The following SIPA1L3 variants were observed in gnomAD, a reference collection of about 807,000 sequenced individuals.
The protein encoded by SIPA1L3 is signal induced proliferation associated 1 like 3, also known as signal-induced proliferation-associated 1-like protein 3.
SIPA1L3 carries 59 observed loss-of-function variants against 150.1 expected under a neutral mutation model. That is an observed-to-expected ratio of 0.39 (90% CI 0.32 to 0.49). The LOEUF is 0.49. Ranked by LOEUF, SIPA1L3 falls within the 20% of genes least tolerant of loss-of-function variation. The probability of loss-of-function intolerance (pLI) is 0.86; values close to 1 mark genes in which losing one functional copy is unlikely to be tolerated. For missense variants in SIPA1L3, 2,211 were observed against 2,489.5 expected (o/e 0.89, Z 2.38); for synonymous variants, 1,070 against 1,077.6 (o/e 0.99, Z 0.14).
chr19:38,003,376 G>A (rs1156710419), intron 1 of SIPA1L3, among the ~76,000 whole-genome samples: 1 of 152,174 alleles, frequency 6.6e-6, no homozygotes, highest in Non-Finnish European at 1.5e-5. Context: ...ATTCACAGAG[G>A]CTCCCCAAGG....
chr19:37,952,666 C>G (rs1043009155), intron 1 of SIPA1L3, among the ~76,000 whole-genome samples: 1 of 152,158 alleles, frequency 6.6e-6, no homozygotes, highest in Non-Finnish European at 1.5e-5. Flanking sequence ...GAGTGAGACT[C>G]TGTCTCAAAA....
chr19:38,105,767 A>G (rs1421428590), intron 6 of SIPA1L3, among the ~76,000 whole-genome samples: 1 of 151,870 alleles, frequency 6.6e-6, no homozygotes, highest in African/African-American at 2.4e-5. Context: ...CTGGCTGTAT[A>G]TTTTTCCACA....
chr19:37,996,531 T>TA (rs752081713), intron 1 of SIPA1L3, among the ~76,000 whole-genome samples: 3 of 152,132 alleles, frequency 2.0e-5, no homozygotes, highest in African/African-American at 7.2e-5. Flanking sequence ...TGAGAACACT[T>TA]AAAGTCTACT....
chr19:38,205,742 G>A (rs1178597975), intron 21 of SIPA1L3, among the ~76,000 whole-genome samples: 1 of 152,160 alleles, frequency 6.6e-6, no homozygotes, highest in Non-Finnish European at 1.5e-5. Flanking sequence ...TCCTCTTCCA[G>A]GAAACTAGGG....
intron 10 of SIPA1L3, among the ~76,000 whole-genome samples, chr19:38,138,915 A>AAAAAAAAAAAAAC (rs1568570955): frequency 2.8e-5 from 4 of 140,818 alleles, no homozygotes; most frequent in Admixed American, 1.5e-4. Context: ...AAAAAAAAAA[A>AAAAAAAAAAAAAC]CTGAGTGTGG....
At chr19:38,128,609 T>C (rs774136493) in intron 9 of SIPA1L3, among the ~76,000 whole-genome samples, 3 of 151,664 alleles carry the variant, frequency 2.0e-5, no homozygotes, top group Non-Finnish European at 4.4e-5. Flanking sequence ...AATTATTTCT[T>C]TCCTTGGCCG....
chr19:37,921,707 C>G (rs2145483587), intron 1 of SIPA1L3, among the ~76,000 whole-genome samples: 1 of 151,874 alleles, frequency 6.6e-6, no homozygotes, highest in East Asian at 1.9e-4. Context: ...CTCAAGTGAT[C>G]CTCCCACCTC....
At chr19:37,966,131 C>T (rs2046902067) in intron 1 of SIPA1L3, among the ~76,000 whole-genome samples, 1 of 152,176 alleles carries the variant, frequency 6.6e-6, no homozygotes, top group African/African-American at 2.4e-5. Context: ...GAAATAAGTG[C>T]TAATTGGTTT....
chr19:38,043,838 G>A (rs1039635119), intron 2 of SIPA1L3, among the ~76,000 whole-genome samples: 1 of 152,178 alleles, frequency 6.6e-6, no homozygotes, highest in Non-Finnish European at 1.5e-5. Flanking sequence ...AGGTCTGCTA[G>A]GGACTGGGGC....
intron 15 of SIPA1L3, among the ~76,000 whole-genome samples, chr19:38,178,339 G>GAT (rs1469891256): frequency 6.6e-6 from 1 of 151,804 alleles, no homozygotes; most frequent in African/African-American, 2.4e-5. Context: ...CCCGTCCCTA[G>GAT]ATAGAGTCTC....
chr19:38,169,982 G>A (rs1438177268), intron 15 of SIPA1L3, among the ~76,000 whole-genome samples: 1 of 151,730 alleles, frequency 6.6e-6, no homozygotes, highest in East Asian at 2.0e-4. Context: ...GAGGGGCCAG[G>A]GTAAGATGAG....
At chr19:38,139,703 A>G (rs1168973102) in intron 10 of SIPA1L3, among the ~76,000 whole-genome samples, 3 of 152,200 alleles carry the variant, frequency 2.0e-5, no homozygotes, top group African/African-American at 7.2e-5. Flanking sequence ...TTGTGCTGCT[A>G]TGACAGAATA....
At chr19:38,152,154 C>T (rs746951110) in intron 12 of SIPA1L3, among the ~76,000 whole-genome samples, 11 of 152,034 alleles carry the variant, frequency 7.2e-5, no homozygotes, top group African/African-American at 1.2e-4. Flanking sequence ...AATGTTACCT[C>T]GTGAGCTGGG....
chr19:38,124,974 G>A (rs971303306), intron 9 of SIPA1L3, among the ~76,000 whole-genome samples: 9 of 53,310 alleles, frequency 1.7e-4, no homozygotes, highest in Non-Finnish European at 2.7e-4. Context: ...TTCGGCTCGG[G>A]ATCAGAGGGA....
chr19:38,125,013 C>CGTGGGGAGAGGGAGAGGGAGAGGGAGACT (rs1971140479), intron 9 of SIPA1L3, among the ~76,000 whole-genome samples: 2 of 149,664 alleles, frequency 1.3e-5, no homozygotes, highest in East Asian at 2.0e-4. Context: ...AGAGGGAGAC[C>CGTGGGGAGAGGGAGAGGGAGAGGGAGACT]GTGGGGAGAG....
At chr19:38,161,171 G>A (rs1051349018) in intron 13 of SIPA1L3, among the ~76,000 whole-genome samples, 4 of 150,608 alleles carry the variant, frequency 2.7e-5, no homozygotes, top group Middle Eastern at 3.2e-3. Flanking sequence ...GTGAAACCCC[G>A]TCTCTACTAA....
intron 12 of SIPA1L3, among the ~76,000 whole-genome samples, chr19:38,145,534 CAAAAAA>C (rs35073920): frequency 1.1e-5 from 1 of 94,298 alleles, no homozygotes. Flanking sequence ...AACTCCGTCT[CAAAAAA>C]AAAAAAAAAA....
At chr19:37,948,609 C>T (rs561677022) in intron 1 of SIPA1L3, among the ~76,000 whole-genome samples, 15 of 152,222 alleles carry the variant, frequency 9.9e-5, no homozygotes, top group African/African-American at 3.1e-4. Context: ...AGATACCACT[C>T]GGGTATTTCC....
chr19:38,183,326 T>C (rs1363611603), intron 16 of SIPA1L3, among the ~76,000 whole-genome samples: 2 of 143,060 alleles, frequency 1.4e-5, no homozygotes, highest in African/African-American at 2.6e-5. Context: ...GCTGCTGTCA[T>C]GGTCCAGGCG....
Sources: gnomAD v4.1 joint callset for allele counts (sites outside exome capture counted in the v4.1 genomes callset) on GRCh38, gnomAD v4.1.1 for gene constraint, MANE v1.5 for transcripts, NCBI Gene and HGNC (gene_info 2026-07-23, HGNC 2026-07-21) for gene names.